Variants in DUOX1 observed in about 807,000 individuals in gnomAD.
DUOX1 encodes the protein dual oxidase 1.
DUOX1 carries 134 observed loss-of-function variants against 181.8 expected under a neutral mutation model. The ratio of observed to expected loss-of-function variants is 0.74; its 90% CI spans 0.64 to 0.85. The LOEUF is 0.85. Among genes scored for constraint, DUOX1 ranks in the 40% least tolerant of loss-of-function variants. The probability of loss-of-function intolerance (pLI) is 0.00; values close to 1 mark genes in which losing one functional copy is unlikely to be tolerated. For missense variants in DUOX1, 1,814 were observed against 2,064.4 expected (o/e 0.88, Z 2.35); for synonymous variants, 798 against 832.5 (o/e 0.96, Z 0.71).
At chr15:45,150,956 A>AC (rs1896786076) in intron 22 of DUOX1, among the ~76,000 whole-genome samples, 167 bp from the exon 23 acceptor site, 1 of 152,170 alleles carries the variant, frequency 6.6e-6, no homozygotes, top group South Asian at 2.1e-4. Flanking sequence ...CTTAGCGAGG[A>AC]CCCCCAAGAT....
At chr15:45,138,909 G>T in intron 10 of DUOX1, 157 bp from the exon 11 acceptor site, 2 of 654,542 alleles carry the variant, frequency 3.1e-6, no homozygotes, top group Non-Finnish European at 2.6e-6. Flanking sequence ...CCTGAGTGGG[G>T]AATCAACCTG....
At chr15:45,142,811 G>GGAAGGAAGGA (rs1461270052) in intron 15 of DUOX1, among the ~76,000 whole-genome samples, 49 of 151,000 alleles carry the variant, frequency 3.2e-4, no homozygotes, top group Middle Eastern at 3.4e-3. Flanking sequence ...GAGGGAGGAA[G>GGAAGGAAGGA]AGCAGGCTGG....
chr15:45,154,816 G>A (rs1431709518), intron 27 of DUOX1, among the ~76,000 whole-genome samples: 2 of 152,034 alleles, frequency 1.3e-5, no homozygotes, highest in Non-Finnish European at 2.9e-5. Flanking sequence ...TCACTTGAGG[G>A]AGCATTCTCT....
intron 10 of DUOX1, among the ~76,000 whole-genome samples, chr15:45,138,428 G>A (rs1164512279): frequency 1.3e-5 from 2 of 152,094 alleles, no homozygotes; most frequent in South Asian, 2.1e-4. Context: ...CACACATCCC[G>A]GGCAGTGTGT....
chr15:45,147,406 C>T (rs1450945029), intron 18 of DUOX1, 27 bp from the exon 19 acceptor site: 3 of 1,607,396 alleles, frequency 1.9e-6, no homozygotes, highest in Non-Finnish European at 2.5e-6. Context: ...GTCTCCTCTC[C>T]CTCCCTCTGC....
In DUOX1 at chr15:45,142,090, G is replaced by T; in HGVS notation, c.1800G>T (p.Gly600=). The T allele has an allele frequency of 1.2e-6, 2 of 1,613,988 alleles. No individual in the cohort carries two copies. The highest frequency in any genetic ancestry group is 1.7e-6 in the Non-Finnish European group (2 of 1,179,982). ...GATTTGGCTTCGGGGTCACCATCGG[G>T]ACCCTCTGTTGCTTCCCTTTGGGTA... The part of the protein sequence containing the change: ...GSGFGFGVTI[G]TLCCFPLVSL... Residue 600 remains glycine, a synonymous_variant, in exon 15 of 34, where the codon GGG becomes GGT. Transcript: ENST00000389037.
Position 45,139,579 on chromosome 15 carries a change from C to G in DUOX1, c.1369C>G (p.Leu457Val). The change falls in exon 12 of 34, where the codon CTC becomes GTC. Residue 457 changes from leucine to valine, a missense_variant. Around this residue, in one of 5 missense-constraint regions of DUOX1, gnomAD observed 1,064 missense variants for 1,152.9 expected, o/e 0.92. Transcript: ENST00000389037. ...ITRWQDINPA[L>V]SRSNDTVLEA... The stretch of plus-strand genomic sequence containing the variant: ...CCGCTGGCAGGACATCAACCCTGCA[C>G]TCTCCCGGAGCAATGACACTGTGAG... The G allele has an allele frequency of 6.2e-7, 1 of 1,600,378 alleles. No homozygotes were observed. Among genetic ancestry groups the G allele is most frequent in the Non-Finnish European group, 8.5e-7 (1 of 1,174,236 alleles).
chr15:45,161,444 A>AGGGGG (rs1555423591), intron 29 of DUOX1, among the ~76,000 whole-genome samples: 6 of 76,502 alleles, frequency 7.8e-5, no homozygotes, highest in Non-Finnish European at 1.3e-4. Flanking sequence ...AAAAAAAGGA[A>AGGGGG]GGAGGGAGGG....
chr15:45,134,361 T>G, intron 4 of DUOX1, 52 bp downstream of exon 4: 1 of 1,532,806 alleles, frequency 6.5e-7, no homozygotes. Flanking sequence ...GCTGGACACC[T>G]CTGCATGTGA....
In DUOX1 at chr15:45,131,763, C is replaced by A. The variant is rs570755405; in HGVS notation, c.-49-155C>A. On this transcript the variant is annotated intron_variant, in intron 1 of 33. Coordinates refer to ENST00000389037, the MANE Select transcript of DUOX1 (RefSeq NM_175940.3). ...GGTGCTCATGAAGTATTTGCCGAAT[C>A]AATTAAAGAATTTTCGGAAAGAGTG... 5.6e-4 allele frequency: 341 copies of A among 603,962 alleles called. 1 individual carries two copies. Among genetic ancestry groups the A allele is most frequent in the Non-Finnish European group, 9.2e-4 (315 of 342,276 alleles). 37.4% of individuals were successfully genotyped at this position (603,962 alleles called of 1,614,324 possible). A position where few individuals can be genotyped will look rare whatever the true frequency, so the allele number is the denominator to read the frequency against.
intron 9 of DUOX1, 122 bp downstream of exon 9, chr15:45,136,747 G>A (rs553952455): frequency 7.1e-6 from 6 of 848,924 alleles, no homozygotes; most frequent in East Asian, 2.6e-5. Flanking sequence ...GGGAAAGACC[G>A]ATAGAGAGGG....
At chr15:45,143,372 CCCCAGCAG>C in intron 16 of DUOX1, 69 bp downstream of exon 16, 2 of 1,272,696 alleles carry the variant, frequency 1.6e-6, no homozygotes, top group Non-Finnish European at 2.3e-6. Context: ...CCCACCTCCA[CCCCAGCAG>C]CCTAAGGAAA....
At chr15:45,151,521 G>A (rs1014257450) in intron 23 of DUOX1, among the ~76,000 whole-genome samples, 1 of 152,186 alleles carries the variant, frequency 6.6e-6, no homozygotes, top group African/African-American at 2.4e-5. Flanking sequence ...TGCCTTCATG[G>A]AAGAGGTGTC....
intron 29 of DUOX1, among the ~76,000 whole-genome samples, chr15:45,161,500 C>T (rs1334574785): frequency 1.3e-5 from 2 of 150,196 alleles, no homozygotes; most frequent in Non-Finnish European, 3.0e-5. Context: ...GGCTGTTTGC[C>T]AGGGGACCTG....
Position 45,135,501 on chromosome 15 carries a change from G to A in DUOX1, c.523G>A (p.Gly175Ser). 6.4e-7 allele frequency: 1 copy of A among 1,557,246 alleles called. No homozygotes were observed. Among genetic ancestry groups the A allele is most frequent in the Non-Finnish European group, 8.7e-7 (1 of 1,152,108 alleles). Reference protein sequence around the residue: ...PANQVTGWLDGSAIYGSSHSW... With the variant: ...PANQVTGWLDSSAIYGSSHSW... ...CAACCAGGTGACGGGCTGGCTGGAC[G>A]GCAGCGCCATCTATGGTTCCTCGCA... is the stretch of plus-strand genomic sequence containing the variant. Residue 175 changes from glycine to serine, a missense_variant, in exon 6 of 34, where the codon GGC (glycine) becomes AGC (serine). By Grantham distance (56) the Gly-to-Ser change is moderately conservative. This residue lies in a region of DUOX1 where 320 missense variants were observed against 313.1 expected (regional missense o/e 1.02). Coordinates refer to ENST00000389037, the MANE Select transcript of DUOX1 (RefSeq NM_175940.3).
Position 45,151,994 on chromosome 15 carries a change from C to T in DUOX1, c.3135C>T (p.Ile1045=). 6.2e-7 allele frequency: 1 copy of T among 1,614,138 alleles called. No individual in the cohort carries two copies. The highest frequency in any genetic ancestry group is 8.5e-7 in the Non-Finnish European group (1 of 1,180,028). The part of the protein sequence containing the change: ...KRFIENYRRH[I]GCVAVFYAIA... ...TCATTGAGAACTACCGGCGCCACAT[C>T]GGCTGCGTGGCCGTGTTCTACGCCA... The change falls in exon 24 of 34, where the codon ATC becomes ATT. Residue 1045 remains isoleucine (I), a synonymous_variant. Transcript: ENST00000389037.
At chr15:45,148,538 A>G (rs1896720268) in intron 21 of DUOX1, 91 bp downstream of exon 21, 1 of 1,385,854 alleles carries the variant, frequency 7.2e-7, no homozygotes, top group African/African-American at 1.5e-5. Flanking sequence ...GAAATGTTTT[A>G]ATTTCCATTA....
intron 21 of DUOX1, among the ~76,000 whole-genome samples, chr15:45,149,538 G>T (rs1002122974): frequency 6.6e-6 from 1 of 151,982 alleles, no homozygotes; most frequent in Admixed American, 6.6e-5. Flanking sequence ...TTTTTATAAA[G>T]ATTTTAAAAC....
chr15:45,150,713 T>G lies in DUOX1; in HGVS notation c.2888+12T>G. ...CAGGATATGATCTGGTGAGCACCCA[T>G]CTGGGAATGTCGGGGGGAGGAGTTG... On this transcript the variant is annotated intron_variant, in intron 22 of 33. Transcript: ENST00000389037. 6.2e-7 allele frequency: 1 copy of G among 1,613,488 alleles called. No individual in the cohort carries two copies.
Sources: allele counts gnomAD v4.1 joint callset (sites outside exome capture counted in the v4.1 genomes callset), GRCh38; gene constraint gnomAD v4.1.1; regional missense constraint gnomAD v4.1.1; transcripts MANE v1.5; gene names NCBI Gene and HGNC (gene_info 2026-07-23, HGNC 2026-07-21).